The following ARHGAP39 variants were observed in gnomAD, a reference collection of about 807,000 sequenced individuals.
The protein encoded by ARHGAP39 is Rho GTPase activating protein 39.
A neutral mutation model predicts 106.9 loss-of-function variants in ARHGAP39; 44 were observed. The ratio of observed to expected loss-of-function variants is 0.41; its 90% CI spans 0.32 to 0.53. ARHGAP39 has a LOEUF of 0.53. Ranked by LOEUF, ARHGAP39 falls within the 20% of genes least tolerant of loss-of-function variation. The pLI, the probability that ARHGAP39 is intolerant of heterozygous loss-of-function variation, is 0.21. For synonymous variants in ARHGAP39, 768 were observed against 693.2 expected, an observed-to-expected ratio of 1.11 and a Z score of -1.69; for missense variants, 1,496 against 1,577.3, an observed-to-expected ratio of 0.95 and a Z score of 0.87.
chr8:144,539,192 T>C (rs905227458), intron 6 of ARHGAP39, among the ~76,000 whole-genome samples: 2 of 152,216 alleles, frequency 1.3e-5, no homozygotes, highest in Non-Finnish European at 2.9e-5. Flanking sequence ...GCTGACAGAA[T>C]GAGGAAGCCC....
At chr8:144,674,342 G>T (rs1014759755) in intron 1 of ARHGAP39, among the ~76,000 whole-genome samples, 1 of 152,194 alleles carries the variant, frequency 6.6e-6, no homozygotes, top group Non-Finnish European at 1.5e-5. Flanking sequence ...CCGCATACGG[G>T]TTGTCTTGAC....
At position 144,591,912 on chromosome 8, in the gene ARHGAP39, C is replaced by T. The variant is rs1323483141; in HGVS notation, c.81-10635G>A. Reference sequence around the variant, plus strand: ...GGAGTGCTGCCTGTGGGGAGTGGTGCCTGTGGGGAGTGGTGCCTGCAGGGA... The same window carrying T: ...GGAGTGCTGCCTGTGGGGAGTGGTGTCTGTGGGGAGTGGTGCCTGCAGGGA... On this transcript the variant is annotated intron_variant, in intron 2 of 11. Coordinates refer to ENST00000377307, the MANE Select transcript of ARHGAP39 (RefSeq NM_025251.3). The surrounding 1 kb of genome is among the most constrained non-coding windows in gnomAD (Gnocchi z 5.3). Among the ~76,000 whole-genome samples the T allele has an allele frequency of 6.6e-6, 1 of 152,004 alleles. No homozygotes were observed. The highest frequency in any genetic ancestry group is 1.5e-5 in the Non-Finnish European group (1 of 67,976).
intron 3 of ARHGAP39, among the ~76,000 whole-genome samples, chr8:144,556,283 TAAAA>T (rs773901158): frequency 6.9e-5 from 6 of 87,302 alleles, no homozygotes; most frequent in African/African-American, 1.7e-4. Context: ...AGACTCCATC[TAAAA>T]AAAAAAAAAA....
chr8:144,538,417 A>C (rs961901792), intron 6 of ARHGAP39, among the ~76,000 whole-genome samples: 4 of 152,156 alleles, frequency 2.6e-5, no homozygotes, highest in Admixed American at 6.5e-5. Context: ...CTGTAGGAGG[A>C]GTCACTGTGC....
intron 3 of ARHGAP39, among the ~76,000 whole-genome samples, chr8:144,570,367 G>A (rs944200515): frequency 6.6e-6 from 1 of 152,182 alleles, no homozygotes; most frequent in Non-Finnish European, 1.5e-5. Context: ...GTTTGGACTA[G>A]ATTTAAAAAT....
At chr8:144,580,758 G>GGGGGGGGGGGCCCCCC in intron 3 of ARHGAP39, 88 bp downstream of exon 3, 1 of 185,576 alleles carries the variant, frequency 5.4e-6, no homozygotes, top group Non-Finnish European at 1.1e-5. Flanking sequence ...CTCTCACCTG[G>GGGGGGGGGGGCCCCCC]CCCCGCCCAC....
At chr8:144,607,528 C>G (rs1330751596) in intron 1 of ARHGAP39, among the ~76,000 whole-genome samples, 3 of 152,254 alleles carry the variant, frequency 2.0e-5, no homozygotes, top group Non-Finnish European at 4.4e-5. Flanking sequence ...CACCTGTCTT[C>G]TTGCTCCCGG....
upstream of ARHGAP39, among the ~76,000 whole-genome samples, chr8:144,690,435 A>C (rs1351505908): frequency 6.6e-6 from 1 of 152,064 alleles, no homozygotes; most frequent in Non-Finnish European, 1.5e-5. Context: ...GACAGTGCAT[A>C]AGGGCTCCAA....
chr8:144,618,775 C>T (rs887073719), intron 1 of ARHGAP39, among the ~76,000 whole-genome samples: 1 of 152,258 alleles, frequency 6.6e-6, no homozygotes, highest in Non-Finnish European at 1.5e-5. Flanking sequence ...TTCCTGGGAG[C>T]AAGTCCTGCT....
At chr8:144,665,463 A>C (rs368662667) in intron 1 of ARHGAP39, among the ~76,000 whole-genome samples, 1 of 152,232 alleles carries the variant, frequency 6.6e-6, no homozygotes, top group African/African-American at 2.4e-5. Context: ...GCCATGTCAG[A>C]GACCTTCATG....
At chr8:144,541,960 T>C (rs1586881715) in intron 6 of ARHGAP39, among the ~76,000 whole-genome samples, 1 of 134,082 alleles carries the variant, frequency 7.5e-6, no homozygotes, top group Non-Finnish European at 1.6e-5. Flanking sequence ...CCATTTTACA[T>C]TCCTTTCTGG....
At chr8:144,534,974 C>A (rs977766049) in intron 7 of ARHGAP39, among the ~76,000 whole-genome samples, 1 of 152,174 alleles carries the variant, frequency 6.6e-6, no homozygotes, top group Non-Finnish European at 1.5e-5. Flanking sequence ...CCTTCCTGCT[C>A]CAGGTCGGGA....
At chr8:144,534,104 C>T (rs1243883599) in intron 8 of ARHGAP39, 25 bp downstream of exon 8, 2 of 1,611,450 alleles carry the variant, frequency 1.2e-6, no homozygotes, top group East Asian at 2.2e-5. Flanking sequence ...GCCTGCCCTC[C>T]CCGGCCCCCC....
intron 1 of ARHGAP39, among the ~76,000 whole-genome samples, chr8:144,608,512 C>T (rs995870714): frequency 6.6e-6 from 1 of 152,286 alleles, no homozygotes; most frequent in African/African-American, 2.4e-5. Context: ...CCAAATGCAC[C>T]GGGTCTGCAA....
intron 6 of ARHGAP39, among the ~76,000 whole-genome samples, chr8:144,539,701 G>T (rs1293368181): frequency 2.0e-5 from 3 of 152,198 alleles, no homozygotes; most frequent in African/African-American, 7.2e-5. Context: ...TTGCAGCACT[G>T]TGGAAAGCTG....
chr8:144,628,064 G>C (rs944796842), intron 1 of ARHGAP39, among the ~76,000 whole-genome samples: 19 of 152,238 alleles, frequency 1.2e-4, no homozygotes, highest in South Asian at 2.1e-4. Flanking sequence ...GAGAGCCATG[G>C]CTGGCATCGG....
chr8:144,543,057 C>G (rs547321015), intron 6 of ARHGAP39, among the ~76,000 whole-genome samples: 5 of 151,856 alleles, frequency 3.3e-5, no homozygotes, highest in Non-Finnish European at 7.4e-5. Context: ...GCAGACTTAA[C>G]CTCCTGGGCT....
intron 4 of ARHGAP39, among the ~76,000 whole-genome samples, chr8:144,549,338 C>G (rs1163960548): frequency 6.6e-6 from 1 of 152,260 alleles, no homozygotes; most frequent in African/African-American, 2.4e-5. Flanking sequence ...CTTCTGTCTC[C>G]TGGAGGCCAC....
Position 144,641,411 on chromosome 8 carries a change from C to T in ARHGAP39, c.-81-35716G>A, listed in dbSNP as rs1392607094. Among the ~76,000 whole-genome samples the T allele has an allele frequency of 3.9e-5, 6 of 151,916 alleles. No homozygotes were observed. Among genetic ancestry groups the T allele is most frequent in the African/African-American group, 1.2e-4 (5 of 41,356 alleles). ...GCAGGCAGATGATGGGCTGGTAAAGCGAAGCTGACCACCAAGACCCCACCA... is the reference window on the plus strand; with the variant it reads ...GCAGGCAGATGATGGGCTGGTAAAGTGAAGCTGACCACCAAGACCCCACCA... On this transcript the variant is annotated intron_variant, in intron 1 of 11. Coordinates refer to ENST00000377307, the MANE Select transcript of ARHGAP39 (RefSeq NM_025251.3). This position sits in a 1 kb window ranked among gnomAD's most constrained non-coding sequence, Gnocchi z 5.2.
Sources: gnomAD v4.1 joint callset for allele counts (sites outside exome capture counted in the v4.1 genomes callset) on GRCh38, gnomAD v4.1.1 for gene constraint, Gnocchi (gnomAD v3.1) non-coding constraint, MANE v1.5 for transcripts, NCBI Gene and HGNC (gene_info 2026-07-23, HGNC 2026-07-21) for gene names.